The following TOX variants were observed in gnomAD, a reference collection of about 807,000 sequenced individuals.
TOX encodes the protein thymocyte selection-associated high mobility group box protein TOX.
TOX carries 11 observed loss-of-function variants against 53.7 expected under a neutral mutation model. That is an observed-to-expected ratio of 0.20 (90% CI 0.13 to 0.34). The LOEUF (loss-of-function observed/expected upper bound fraction) is 0.34, where lower values mean the gene tolerates loss of function less well. Among genes scored for constraint, TOX ranks in the 10% least tolerant of loss-of-function variants. The probability of loss-of-function intolerance (pLI) is 1.00; values close to 1 mark genes in which losing one functional copy is unlikely to be tolerated. For synonymous variants in TOX, 225 were observed against 245.3 expected (o/e 0.92, Z 0.77); for missense variants, 570 against 664.6 (o/e 0.86, Z 1.56).
chr8:59,057,981 A>C (rs1379405110), intron 1 of TOX, among the ~76,000 whole-genome samples: 1 of 152,144 alleles, frequency 6.6e-6, no homozygotes, highest in East Asian at 1.9e-4. Context: ...TAGAATGTGG[A>C]CTACAGGTCA....
chr8:58,961,621 A>G (rs916245753), intron 1 of TOX, among the ~76,000 whole-genome samples: 3 of 151,374 alleles, frequency 2.0e-5, no homozygotes, highest in African/African-American at 4.9e-5. Context: ...TCCGCCTCCC[A>G]GGTTCAAGTG....
intron 1 of TOX, among the ~76,000 whole-genome samples, chr8:58,995,572 T>C (rs1294993819): frequency 6.6e-6 from 1 of 152,210 alleles, no homozygotes; most frequent in Non-Finnish European, 1.5e-5. Context: ...AAGATCTCTC[T>C]ACCCCTCTGG....
chr8:58,859,160 A>C (rs1810965529), intron 3 of TOX, among the ~76,000 whole-genome samples: 1 of 152,208 alleles, frequency 6.6e-6, no homozygotes, highest in South Asian at 2.1e-4. Flanking sequence ...TACTTTAAAT[A>C]AACTTTATTT....
At chr8:59,096,816 GA>G (rs1159918659) in intron 1 of TOX, among the ~76,000 whole-genome samples, 1 of 151,988 alleles carries the variant, frequency 6.6e-6, no homozygotes, top group Non-Finnish European at 1.5e-5. Context: ...CTCTTTCTGT[GA>G]AAAAAATCTC....
intron 3 of TOX, among the ~76,000 whole-genome samples, chr8:58,911,938 G>C (rs915532574): frequency 6.6e-6 from 1 of 152,172 alleles, no homozygotes; most frequent in Non-Finnish European, 1.5e-5. Flanking sequence ...CTAACCTCAG[G>C]AGATCTGCCT....
chr8:59,026,132 T>C (rs1348321835), intron 1 of TOX, among the ~76,000 whole-genome samples: 3 of 152,100 alleles, frequency 2.0e-5, no homozygotes, highest in African/African-American at 7.2e-5. Flanking sequence ...GTTTTTTTTT[T>C]CTTTCAGTCA....
At chr8:59,102,055 GAC>G (rs1222777956) in intron 1 of TOX, among the ~76,000 whole-genome samples, 1 of 152,170 alleles carries the variant, frequency 6.6e-6, no homozygotes, top group Non-Finnish European at 1.5e-5. Context: ...TGCTGATAAA[GAC>G]ACACCCAAGA....
At chr8:58,948,333 C>A (rs994360971) in intron 2 of TOX, among the ~76,000 whole-genome samples, 19 of 152,162 alleles carry the variant, frequency 1.2e-4, no homozygotes, top group Non-Finnish European at 4.4e-5. Flanking sequence ...GGCTTTCTCC[C>A]GCCATAATTC....
chr8:59,046,858 C>CAAAAAAAAAAAAAAAAAA (rs34869193), intron 1 of TOX, among the ~76,000 whole-genome samples: 5 of 77,908 alleles, frequency 6.4e-5, no homozygotes, highest in African/African-American at 1.0e-4. Flanking sequence ...GACTATGTCT[C>CAAAAAAAAAAAAAAAAAA]AAAAAAAAAA....
chr8:59,084,273 G>A (rs1804469124), intron 1 of TOX, among the ~76,000 whole-genome samples: 1 of 151,860 alleles, frequency 6.6e-6, no homozygotes, highest in South Asian at 2.1e-4. Flanking sequence ...ATGCTACAGA[G>A]ATAAAGAAAA....
intron 2 of TOX, among the ~76,000 whole-genome samples, chr8:58,958,136 A>C (rs534322560): frequency 6.6e-6 from 1 of 152,210 alleles, no homozygotes; most frequent in Non-Finnish European, 1.5e-5. Context: ...TATAAAGCAC[A>C]AAAGTATTTG....
chr8:58,851,766 A>T lies in TOX; in HGVS notation c.451T>A (p.Ser151Thr), dbSNP rs771191707. ...CTCATGGCTGCCATCTGAGGATGGG[A>T]ACTGTACTGAGTTCCTTCTGGGTTT... The part of the protein sequence containing the change: ...IRNPEGTQYS[S>T]HPQMAAMRPR... Residue 151 changes from serine (S) to threonine (T), a missense_variant, in exon 4 of 9, where the codon TCC becomes ACC. By Grantham distance (58) the Ser-to-Thr change is moderately conservative (BLOSUM62 1). Transcript: ENST00000361421. The surrounding 1 kb of genome is among the most constrained non-coding windows in gnomAD (Gnocchi z 4.4). The T allele has an allele frequency of 6.2e-7, 1 of 1,612,104 alleles. No individual in the cohort carries two copies. Among genetic ancestry groups the T allele is most frequent in the Non-Finnish European group, 8.5e-7 (1 of 1,179,584 alleles).
chr8:58,839,007 TC>T lies in TOX; in HGVS notation c.694-697del, dbSNP rs971891836. On this transcript the variant is annotated intron_variant, in intron 4 of 8. Coordinates refer to ENST00000361421, the MANE Select transcript of TOX (RefSeq NM_014729.3). Reference sequence around the variant, plus strand: ...TAGCCACCGTGCCCAGCCATCCTTGTCTTTCTAATTATGGCTTTAAAACCTC... The same window carrying T: ...TAGCCACCGTGCCCAGCCATCCTTGTTTTCTAATTATGGCTTTAAAACCTC... Among the ~76,000 whole-genome samples, 136 of 152,320 alleles carry T rather than the reference TC, an allele frequency of 8.9e-4. 1 individual carries two copies. Among genetic ancestry groups the T allele is most frequent in the African/African-American group, 3.1e-3 (130 of 41,560 alleles).
At chr8:59,059,662 G>A (rs1803944271) in intron 1 of TOX, among the ~76,000 whole-genome samples, 1 of 152,134 alleles carries the variant, frequency 6.6e-6, no homozygotes, top group Non-Finnish European at 1.5e-5. Context: ...ATTTGTCAAG[G>A]AAAACACATT....
chr8:58,825,762 T>C (rs1810355231), intron 6 of TOX, among the ~76,000 whole-genome samples: 1 of 152,212 alleles, frequency 6.6e-6, no homozygotes, highest in African/African-American at 2.4e-5. Flanking sequence ...CTTTTTAGGT[T>C]ATAATTTTAT....
intron 4 of TOX, among the ~76,000 whole-genome samples, chr8:58,848,482 G>T (rs1330926049): frequency 6.6e-6 from 1 of 151,972 alleles, no homozygotes; most frequent in Non-Finnish European, 1.5e-5. Flanking sequence ...ATAAAACATG[G>T]ATATTTTCAA....
intron 3 of TOX, among the ~76,000 whole-genome samples, chr8:58,880,817 G>T (rs1357783247): frequency 6.6e-6 from 1 of 152,104 alleles, no homozygotes; most frequent in Non-Finnish European, 1.5e-5. Context: ...AGAAGCAATT[G>T]GATTTATTGG....
intron 1 of TOX, among the ~76,000 whole-genome samples, chr8:59,085,072 A>G (rs1804482273): frequency 6.6e-6 from 1 of 152,356 alleles, no homozygotes; most frequent in East Asian, 1.9e-4. Flanking sequence ...GGGCCCCTGC[A>G]GGTCTGCCTG....
At chr8:59,046,749 T>C (rs1260586549) in intron 1 of TOX, among the ~76,000 whole-genome samples, 2 of 149,202 alleles carry the variant, frequency 1.3e-5, no homozygotes, top group Non-Finnish European at 3.0e-5. Flanking sequence ...TCTCAGCTAC[T>C]TGGGAGGCTG....
Sources: gnomAD v4.1 joint callset for allele counts (sites outside exome capture counted in the v4.1 genomes callset) on GRCh38, gnomAD v4.1.1 for gene constraint, Gnocchi (gnomAD v3.1) non-coding constraint, MANE v1.5 for transcripts, NCBI Gene and HGNC (gene_info 2026-07-23, HGNC 2026-07-21) for gene names.